Variants in FRMD5 observed in about 807,000 individuals in gnomAD.
FRMD5 encodes FERM domain-containing protein 5.
Under a neutral mutation model 69.0 loss-of-function variants are expected in FRMD5, and 20 were observed. The observed-to-expected ratio is 0.29, with a 90% CI of 0.20 to 0.42. The LOEUF (loss-of-function observed/expected upper bound fraction) is 0.42, where lower values mean the gene tolerates loss of function less well. Among genes scored for constraint, FRMD5 ranks in the 10% least tolerant of loss-of-function variants. FRMD5 has a pLI of 1.00. For synonymous variants in FRMD5, 271 were observed against 260.1 expected (o/e 1.04, Z -0.40); for missense variants, 595 against 708.6 (o/e 0.84, Z 1.82).
chr15:44,100,220 A>AT (rs779826479), intron 1 of FRMD5, among the ~76,000 whole-genome samples: 6,809 of 140,824 alleles, frequency 0.048, 331 homozygotes, highest in Non-Finnish European at 0.068. Context: ...CACCCGGCTA[A>AT]ATTTTTTTTT....
chr15:44,163,113 G>A (rs1276784169), intron 1 of FRMD5, among the ~76,000 whole-genome samples: 1 of 152,192 alleles, frequency 6.6e-6, no homozygotes, highest in Non-Finnish European at 1.5e-5. Context: ...GGCGGAGCTT[G>A]CAGTGAGCCG....
intron 1 of FRMD5, among the ~76,000 whole-genome samples, chr15:44,094,469 T>G (rs1382952749): frequency 6.6e-6 from 1 of 152,158 alleles, no homozygotes; most frequent in Non-Finnish European, 1.5e-5. Context: ...TAGTCCTAAC[T>G]AGGACATAAA....
chr15:44,045,633 A>G (rs570490788), intron 1 of FRMD5, among the ~76,000 whole-genome samples: 2 of 152,330 alleles, frequency 1.3e-5, no homozygotes, highest in South Asian at 2.1e-4. Flanking sequence ...AATAAAGACT[A>G]TTCTTCAATA....
intron 1 of FRMD5, among the ~76,000 whole-genome samples, chr15:44,188,922 G>A (rs1009885319): frequency 9.2e-5 from 14 of 152,146 alleles, no homozygotes; most frequent in Middle Eastern, 3.4e-3. Context: ...ATGGTAATTC[G>A]GGGAGTCAGA....
At chr15:43,874,975 G>T (rs907287356) in intron 13 of FRMD5, among the ~76,000 whole-genome samples, 1 of 149,792 alleles carries the variant, frequency 6.7e-6, no homozygotes, top group Non-Finnish European at 1.5e-5. Context: ...CAAGGCGGGC[G>T]GATCATGAGG....
intron 13 of FRMD5, chr15:43,875,980 AC>A: frequency 7.2e-7 from 1 of 1,391,302 alleles, no homozygotes; most frequent in Non-Finnish European, 1.0e-6. Flanking sequence ...CCCACCATGG[AC>A]CCTCTGGTCA....
intron 7 of FRMD5, among the ~76,000 whole-genome samples, chr15:43,899,904 G>T (rs1034236800): frequency 1.3e-5 from 2 of 152,178 alleles, no homozygotes; most frequent in Admixed American, 1.3e-4. Context: ...GGGCAACGGT[G>T]GAGAATCCCT....
At chr15:44,071,930 A>G (rs1299330588) in intron 1 of FRMD5, among the ~76,000 whole-genome samples, 1 of 152,110 alleles carries the variant, frequency 6.6e-6, no homozygotes, top group Non-Finnish European at 1.5e-5. Context: ...GAGTGGTGCA[A>G]TCTCGGCTCA....
chr15:43,948,711 A>G (rs1275035760), intron 1 of FRMD5, among the ~76,000 whole-genome samples: 1 of 152,172 alleles, frequency 6.6e-6, no homozygotes, highest in Non-Finnish European at 1.5e-5. Context: ...TTCAGGTTCT[A>G]TTTATATGCA....
chr15:43,918,445 A>T (rs1595517906), intron 4 of FRMD5, among the ~76,000 whole-genome samples: 1 of 152,146 alleles, frequency 6.6e-6, no homozygotes, highest in East Asian at 1.9e-4. Flanking sequence ...AGAATTCCAT[A>T]TTCTTTCCTC....
intron 4 of FRMD5, among the ~76,000 whole-genome samples, chr15:43,916,764 G>C (rs1269837503): frequency 6.6e-6 from 1 of 150,748 alleles, no homozygotes; most frequent in Non-Finnish European, 1.5e-5. Context: ...AGTGACACTG[G>C]ATTTACAAAA....
intron 1 of FRMD5, among the ~76,000 whole-genome samples, chr15:44,041,851 T>G (rs1892208414): frequency 6.6e-6 from 1 of 151,980 alleles, no homozygotes; most frequent in South Asian, 2.1e-4. Flanking sequence ...ATCAACACCC[T>G]ACCATCACAA....
At chr15:44,033,942 G>C (rs375073640) in intron 1 of FRMD5, among the ~76,000 whole-genome samples, 3 of 152,100 alleles carry the variant, frequency 2.0e-5, no homozygotes, top group African/African-American at 7.2e-5. Context: ...ATTAGGATTC[G>C]CTCTTATTTA....
chr15:44,013,534 T>A (rs1409628116), intron 1 of FRMD5, among the ~76,000 whole-genome samples: 1 of 152,202 alleles, frequency 6.6e-6, no homozygotes, highest in Non-Finnish European at 1.5e-5. Flanking sequence ...GCTGAACAAA[T>A]GATTGAATGA....
intron 10 of FRMD5, among the ~76,000 whole-genome samples, chr15:43,886,295 T>G (rs1036651064): frequency 6.6e-6 from 1 of 152,170 alleles, no homozygotes; most frequent in Non-Finnish European, 1.5e-5. Flanking sequence ...CATCTCCCTT[T>G]TGGAGGGTCC....
intron 4 of FRMD5, among the ~76,000 whole-genome samples, chr15:43,917,473 C>A (rs1024467223): frequency 1.3e-5 from 2 of 152,210 alleles, no homozygotes; most frequent in Non-Finnish European, 2.9e-5. Flanking sequence ...TTACTGCAAC[C>A]TCCACCTCAC....
chr15:44,094,794 T>G (rs1566943057), intron 1 of FRMD5, among the ~76,000 whole-genome samples: 1 of 152,152 alleles, frequency 6.6e-6, no homozygotes, highest in African/African-American at 2.4e-5. Flanking sequence ...GGGCAATTAG[T>G]TCAAAAGCCA....
At chr15:44,186,527 C>A (rs76081093) in intron 1 of FRMD5, among the ~76,000 whole-genome samples, 1,730 of 152,344 alleles carry the variant, frequency 0.011, 25 homozygotes, top group African/African-American at 0.038. Flanking sequence ...TTTCCTGCTA[C>A]AAGTTCACTG....
In FRMD5 at chr15:43,973,136, C is replaced by A. The variant is rs2090408816; in HGVS notation, c.103-48827G>T. Reference sequence around the variant, plus strand: ...CTCCCGGGTTCACGCCATTCTCCTGCCTCAGCCTCCCGAGTAGCTGGGACT... The same window carrying A: ...CTCCCGGGTTCACGCCATTCTCCTGACTCAGCCTCCCGAGTAGCTGGGACT... On this transcript the variant is annotated intron_variant, in intron 1 of 13. Transcript: ENST00000417257. Among the ~76,000 whole-genome samples the A allele has an allele frequency of 2.6e-5, 4 of 151,984 alleles. No individual in the cohort carries two copies. The South Asian group carries it at 8.3e-4, about 32-fold the overall frequency.
Sources: allele counts gnomAD v4.1 joint callset (sites outside exome capture counted in the v4.1 genomes callset), GRCh38; gene constraint gnomAD v4.1.1; transcripts MANE v1.5; gene names NCBI Gene and HGNC (gene_info 2026-07-23, HGNC 2026-07-21).